Variants in PACSIN2 observed in about 807,000 individuals in gnomAD.
PACSIN2 encodes the protein protein kinase C and casein kinase substrate in neurons 2, also known as protein kinase C and casein kinase substrate in neurons protein 2.
A neutral mutation model predicts 63.8 loss-of-function variants in PACSIN2; 25 were observed. The ratio of observed to expected loss-of-function variants is 0.39; its 90% CI spans 0.29 to 0.55. PACSIN2 has a LOEUF of 0.55. PACSIN2 is among the 20% of genes least tolerant of loss of function. The pLI, the probability that PACSIN2 is intolerant of heterozygous loss-of-function variation, is 0.62. For synonymous variants in PACSIN2, 255 were observed against 256.2 expected, an observed-to-expected ratio of 1.00 and a Z score of 0.05; for missense variants, 518 against 646.9, an observed-to-expected ratio of 0.80 and a Z score of 2.16.
Position 42,923,578 on chromosome 22 carries a change from C to T in PACSIN2, c.-77-11421G>A, listed in dbSNP as rs576059498. On this transcript the variant is annotated intron_variant, in intron 1 of 10. Coordinates refer to ENST00000263246, the MANE Select transcript of PACSIN2 (RefSeq NM_001184970.3). The stretch of plus-strand genomic sequence containing the variant: ...GAGTAGCTGGGACTACAGGCGCCCG[C>T]CACCATGCCTGGCTAATTTTTTGTA... Among the ~76,000 whole-genome samples, 16 of 152,318 alleles carry T rather than the reference C, an allele frequency of 1.1e-4. No individual in the cohort carries two copies. The East Asian group carries it at 2.9e-3, about 28-fold the overall frequency.
At chr22:43,002,809 G>C (rs1601620104) in intron 1 of PACSIN2, among the ~76,000 whole-genome samples, 1 of 152,208 alleles carries the variant, frequency 6.6e-6, no homozygotes, top group South Asian at 2.1e-4. Context: ...ACTAGGGAAT[G>C]TTTTAATCTC....
intron 10 of PACSIN2, among the ~76,000 whole-genome samples, chr22:42,874,964 C>T (rs750024934): frequency 1.3e-5 from 2 of 151,754 alleles, no homozygotes; most frequent in Non-Finnish European, 2.9e-5. Context: ...AATTTTCCTG[C>T]GTCAGCCTCC....
chr22:42,952,743 A>C (rs183765623), intron 1 of PACSIN2, among the ~76,000 whole-genome samples: 1 of 148,940 alleles, frequency 6.7e-6, no homozygotes, highest in Non-Finnish European at 1.5e-5. Context: ...GCTCACTACA[A>C]TCTCTGCCTC....
intron 1 of PACSIN2, among the ~76,000 whole-genome samples, chr22:42,980,723 G>A (rs1460155374): frequency 1.1e-3 from 105 of 97,680 alleles, no homozygotes; most frequent in Non-Finnish European, 1.6e-3. Flanking sequence ...TCCTAACCGC[G>A]AGTGATCCGC....
At chr22:42,875,265 C>T (rs1271096821) in intron 10 of PACSIN2, among the ~76,000 whole-genome samples, 1 of 152,088 alleles carries the variant, frequency 6.6e-6, no homozygotes, top group African/African-American at 2.4e-5. Flanking sequence ...GCCTCAGCCT[C>T]CCAAGCAGCT....
intron 1 of PACSIN2, among the ~76,000 whole-genome samples, chr22:42,983,480 A>G (rs2146890251): frequency 1.1e-5 from 1 of 88,546 alleles, no homozygotes; most frequent in Non-Finnish European, 2.1e-5. Flanking sequence ...ACAGAGTGAG[A>G]CTCCATCTCA....
intron 1 of PACSIN2, among the ~76,000 whole-genome samples, chr22:42,932,610 A>G (rs1320969406): frequency 6.6e-6 from 1 of 152,202 alleles, no homozygotes; most frequent in Non-Finnish European, 1.5e-5. Flanking sequence ...ATTGGTATCA[A>G]TTTTACTCAC....
chr22:42,935,367 G>A (rs1409923318), intron 1 of PACSIN2, among the ~76,000 whole-genome samples: 1 of 152,076 alleles, frequency 6.6e-6, no homozygotes, highest in African/African-American at 2.4e-5. Context: ...GGCGGGGTGG[G>A]GGGAAGAAGG....
intron 7 of PACSIN2, among the ~76,000 whole-genome samples, chr22:42,880,293 C>T (rs925970907): frequency 9.2e-5 from 14 of 152,336 alleles, no homozygotes; most frequent in Non-Finnish European, 4.4e-5. Context: ...AGACTTGGGC[C>T]CGACCCCAAA....
intron 2 of PACSIN2, among the ~76,000 whole-genome samples, chr22:42,907,063 G>A (rs1391602945): frequency 2.0e-5 from 3 of 152,184 alleles, no homozygotes; most frequent in Non-Finnish European, 1.5e-5. Context: ...CTAGGAAGGA[G>A]ATGGAAGTCT....
At chr22:42,930,465 C>T (rs1242102924) in intron 1 of PACSIN2, among the ~76,000 whole-genome samples, 1 of 152,170 alleles carries the variant, frequency 6.6e-6, no homozygotes, top group East Asian at 1.9e-4. Context: ...GGCACCCACT[C>T]AATCCTGACC....
intron 6 of PACSIN2, among the ~76,000 whole-genome samples, chr22:42,883,697 C>T (rs1929244254): frequency 6.6e-6 from 1 of 152,252 alleles, no homozygotes; most frequent in African/African-American, 2.4e-5. Flanking sequence ...AGATTCACCT[C>T]CAGTGGATCT....
chr22:42,895,085 C>T (rs1316377048), intron 2 of PACSIN2, among the ~76,000 whole-genome samples: 1 of 152,182 alleles, frequency 6.6e-6, no homozygotes, highest in Non-Finnish European at 1.5e-5. Flanking sequence ...GCAGATGAGA[C>T]TTCCGGCTCT....
At chr22:43,009,465 T>G (rs1924310314) in intron 1 of PACSIN2, among the ~76,000 whole-genome samples, 1 of 152,234 alleles carries the variant, frequency 6.6e-6, no homozygotes, top group South Asian at 2.1e-4. Flanking sequence ...ATCCAGTTCT[T>G]AATCTGGGTC....
chr22:43,010,398 A>ATTT lies in PACSIN2; in HGVS notation c.-78+4620_-78+4622dup, dbSNP rs1555950816. ...TGTTTAAAAATACATATATATATAT[A>ATTT]TTTTTTTTTAATTGAAAATAAAAAA... On this transcript the variant is annotated intron_variant, in intron 1 of 10. Coordinates refer to ENST00000263246, the MANE Select transcript of PACSIN2 (RefSeq NM_001184970.3). 1.3e-3 allele frequency among the ~76,000 whole-genome samples: 166 copies of ATTT among 126,412 alleles called. 5 individuals are homozygous for ATTT. The highest frequency in any genetic ancestry group is 4.5e-3 in the African/African-American group (160 of 35,358). The allele number at this position is 126,412 out of a possible 152,430, so 82.9% of individuals were successfully genotyped here.
chr22:43,005,424 T>C (rs1045368263), intron 1 of PACSIN2, among the ~76,000 whole-genome samples: 1 of 152,120 alleles, frequency 6.6e-6, no homozygotes, highest in Admixed American at 6.6e-5. Context: ...ATGACCATCA[T>C]CAGGCCCTTA....
At chr22:42,875,351 G>A (rs1191419275) in intron 10 of PACSIN2, among the ~76,000 whole-genome samples, 2 of 151,948 alleles carry the variant, frequency 1.3e-5, no homozygotes, top group Non-Finnish European at 2.9e-5. Context: ...ACAGGATCTC[G>A]CTCTGTTGCC....
intron 2 of PACSIN2, among the ~76,000 whole-genome samples, chr22:42,905,540 T>G (rs1167724853): frequency 1.3e-5 from 2 of 152,352 alleles, no homozygotes; most frequent in Admixed American, 1.3e-4. Flanking sequence ...CAGCAGGCCA[T>G]CACTGCTGGC....
intron 1 of PACSIN2, among the ~76,000 whole-genome samples, chr22:42,961,447 TAAA>T (rs10678680): frequency 2.5e-5 from 3 of 121,208 alleles, no homozygotes; most frequent in Non-Finnish European, 3.3e-5. Flanking sequence ...AATGATCAAT[TAAA>T]AAAAAAAAAA....
Sources: allele counts gnomAD v4.1 joint callset (sites outside exome capture counted in the v4.1 genomes callset), GRCh38; gene constraint gnomAD v4.1.1; transcripts MANE v1.5; gene names NCBI Gene and HGNC (gene_info 2026-07-23, HGNC 2026-07-21).